Variants in EGF observed in about 807,000 individuals in gnomAD.
The protein encoded by EGF is epidermal growth factor.
A neutral mutation model predicts 143.8 loss-of-function variants in EGF; 95 were observed. The ratio of observed to expected loss-of-function variants is 0.66; its 90% CI spans 0.56 to 0.78. The LOEUF is 0.78. Ranked by LOEUF, EGF falls within the 30% of genes least tolerant of loss-of-function variation. The pLI, the probability that EGF is intolerant of heterozygous loss-of-function variation, is 0.00. For synonymous variants in EGF, 510 were observed against 510.5 expected, an observed-to-expected ratio of 1.00 and a Z score of 0.01; for missense variants, 1,320 against 1,470.9, an observed-to-expected ratio of 0.90 and a Z score of 1.68.
chr4:109,961,731 G>T (rs575099185), intron 7 of EGF, 132 bp from the exon 8 acceptor site: 312 of 1,162,600 alleles, frequency 2.7e-4, no homozygotes, highest in Middle Eastern at 1.0e-3. Flanking sequence ...AGGCACAGTG[G>T]CTCACACCTG....
intron 11 of EGF, among the ~76,000 whole-genome samples, chr4:109,973,293 A>G (rs17253063): frequency 0.28 from 42,803 of 152,060 alleles, 6,418 homozygotes; most frequent in Middle Eastern, 0.38. Flanking sequence ...CTAAAGCCAC[A>G]GCAAACTTTC....
At chr4:109,987,722 A>G in intron 16 of EGF, 22 bp from the exon 17 acceptor site, 1 of 1,589,764 alleles carries the variant, frequency 6.3e-7, no homozygotes, top group Non-Finnish European at 8.6e-7. Flanking sequence ...AAATAACTGC[A>G]CGGGATTCTT....
In EGF at chr4:109,913,085, T is replaced by C; in HGVS notation, c.-251T>C. 2.3e-6 allele frequency: 1 copy of C among 443,214 alleles called. No homozygotes were observed. Among genetic ancestry groups the C allele is most frequent in the Non-Finnish European group, 4.2e-6 (1 of 239,670 alleles). 27.5% of individuals were successfully genotyped at this position (443,214 alleles called of 1,614,324 possible). ...TTGTCATAAGGGTGTCAGGTATTTC[T>C]TACTGGCTTCCAAAGAAACATAGAT... On this transcript the variant is annotated 5_prime_UTR_variant, in exon 1 of 24. Coordinates refer to ENST00000265171, the MANE Select transcript of EGF (RefSeq NM_001963.6).
chr4:110,004,015 A>G (rs537714464), intron 21 of EGF, among the ~76,000 whole-genome samples: 8 of 152,110 alleles, frequency 5.3e-5, no homozygotes, highest in African/African-American at 1.9e-4. Context: ...TCACTTGTAA[A>G]TGGAGCTAAC....
At chr4:109,929,877 T>C (rs1739377500) in intron 1 of EGF, among the ~76,000 whole-genome samples, 1 of 152,192 alleles carries the variant, frequency 6.6e-6, no homozygotes, top group Non-Finnish European at 1.5e-5. Flanking sequence ...CTTGATATGG[T>C]TGGCTGTGTG....
chr4:109,976,345 T>G, intron 13 of EGF, 110 bp downstream of exon 13: 1 of 956,806 alleles, frequency 1.0e-6, no homozygotes, highest in Non-Finnish European at 1.6e-6. Flanking sequence ...TGGGTGAATA[T>G]GGAATAGAGA....
Position 110,011,898 on chromosome 4 carries a change from T to G in EGF, c.*443T>G. On this transcript the variant is annotated 3_prime_UTR_variant, in exon 24 of 24. Coordinates refer to ENST00000265171, the MANE Select transcript of EGF (RefSeq NM_001963.6). ...TCATGAAATGATTGGAATATTACAA[T>G]ACCGTTAAGATACAGTGTAGGCATT... 4.4e-6 allele frequency: 1 copy of G among 225,824 alleles called. No homozygotes were observed. Among genetic ancestry groups the G allele is most frequent in the Non-Finnish European group, 8.9e-6 (1 of 112,956 alleles). The allele number at this position is 225,824 out of a possible 1,614,324, so 14.0% of individuals were successfully genotyped here. A position where few individuals can be genotyped will look rare whatever the true frequency, so the allele number is the denominator to read the frequency against.
rs182335717 is a variant in EGF, at chr4:109,965,851, C to A, written c.1575+1314C>A. On this transcript the variant is annotated intron_variant, in intron 10 of 23. Coordinates refer to ENST00000265171, the MANE Select transcript of EGF (RefSeq NM_001963.6). ...CACAGTGCCAGTGGAGTGAAGTACC[C>A]CTATTTGTATTTATGAAACATAACC... Among the ~76,000 whole-genome samples, 139 of 152,022 alleles carry A rather than the reference C, an allele frequency of 9.1e-4. 1 individual carries two copies. The highest frequency in any genetic ancestry group is 3.2e-3 in the African/African-American group (134 of 41,484).
Position 110,011,726 on chromosome 4 carries a change from GTTGTC to G in EGF, c.*274_*278del. Reference sequence around the variant, plus strand: ...GGGACAACAGTGCTTTGTAAATTGTGTTGTCTTCAGCAGTCAATACAAATAGATTT... The same window carrying G: ...GGGACAACAGTGCTTTGTAAATTGTGTTCAGCAGTCAATACAAATAGATTT... On this transcript the variant is annotated 3_prime_UTR_variant, in exon 24 of 24. Transcript: ENST00000265171. 1 of 501,668 alleles carries G rather than the reference GTTGTC, an allele frequency of 2.0e-6. No individual in the cohort carries two copies. The highest frequency in any genetic ancestry group is 3.7e-5 in the East Asian group (1 of 26,726). 31.1% of individuals were successfully genotyped at this position (501,668 alleles called of 1,614,324 possible).
intron 11 of EGF, among the ~76,000 whole-genome samples, chr4:109,970,401 AG>A (rs1370168414): frequency 6.6e-6 from 1 of 152,188 alleles, no homozygotes; most frequent in African/African-American, 2.4e-5. Flanking sequence ...ACCAAGTAAA[AG>A]TAAAAGAAGG....
At chr4:109,933,078 C>A (rs1231719844) in intron 1 of EGF, among the ~76,000 whole-genome samples, 1 of 152,184 alleles carries the variant, frequency 6.6e-6, no homozygotes, top group Non-Finnish European at 1.5e-5. Flanking sequence ...TAATAAAATA[C>A]TTTCACATCT....
intron 1 of EGF, among the ~76,000 whole-genome samples, chr4:109,937,483 C>G (rs1332335208): frequency 6.6e-6 from 1 of 151,856 alleles, no homozygotes; most frequent in Non-Finnish European, 1.5e-5. Context: ...GGTCTTGACT[C>G]TTTATCCAAT....
chr4:109,963,262 G>A lies in EGF; in HGVS notation c.1402G>A (p.Asp468Asn), dbSNP rs1746006562. The A allele has an allele frequency of 6.2e-7, 1 of 1,613,872 alleles. No homozygotes were observed. Among genetic ancestry groups the A allele is most frequent in the South Asian group, 1.1e-5 (1 of 91,076 alleles). ...GGAATGTGATTGCTTTCCTGGGTAT[G>A]ACCTACAACTGGATGAAAAAAGCTG... The part of the protein sequence containing the change: ...SWECDCFPGY[D>N]LQLDEKSCAA... The change falls in exon 9 of 24, where the codon GAC becomes AAC. Residue 468 changes from aspartate to asparagine, a missense_variant. By Grantham distance (23) the Asp-to-Asn change is conservative. Coordinates refer to ENST00000265171, the MANE Select transcript of EGF (RefSeq NM_001963.6).
At chr4:109,967,372 G>T (rs1746771264) in intron 10 of EGF, among the ~76,000 whole-genome samples, 2 of 152,032 alleles carry the variant, frequency 1.3e-5, no homozygotes, top group African/African-American at 4.8e-5. Flanking sequence ...TTTAAATCTG[G>T]GTTCTCTATT....
At chr4:109,924,869 A>C (rs1358547993) in intron 1 of EGF, among the ~76,000 whole-genome samples, 2 of 152,218 alleles carry the variant, frequency 1.3e-5, no homozygotes, top group Non-Finnish European at 2.9e-5. Flanking sequence ...AGACAGCCTG[A>C]AAAATGGATT....
intron 15 of EGF, 29 bp downstream of exon 15, chr4:109,981,004 C>T (rs1749281144): frequency 6.2e-7 from 1 of 1,613,862 alleles, no homozygotes; most frequent in Non-Finnish European, 8.5e-7. Context: ...TGGCAAATTA[C>T]CTAACGTTGG....
chr4:109,959,002 C>A lies in EGF; in HGVS notation c.941-310C>A, dbSNP rs74758967. ...GATTATTTCATTTGCAGAATGTGTG[C>A]TTTTTTGTGATAAAAGTACATTAGA... On this transcript the variant is annotated intron_variant, in intron 5 of 23. Transcript: ENST00000265171. The A allele has an allele frequency of 3.2e-3, 1,039 of 324,534 alleles. 15 individuals are homozygous for A. Among genetic ancestry groups the A allele is most frequent in the African/African-American group, 0.02 (943 of 46,782 alleles). The allele number at this position is 324,534 out of a possible 1,614,324, so 20.1% of individuals were successfully genotyped here.
intron 15 of EGF, among the ~76,000 whole-genome samples, chr4:109,982,740 G>T (rs1423782748): frequency 6.6e-6 from 1 of 152,076 alleles, no homozygotes; most frequent in East Asian, 1.9e-4. Context: ...ACCAGCTGTT[G>T]CCCACATTCC....
At chr4:109,990,143 T>G (rs1390181508) in intron 18 of EGF, among the ~76,000 whole-genome samples, 2 of 152,172 alleles carry the variant, frequency 1.3e-5, no homozygotes, top group Non-Finnish European at 2.9e-5. Flanking sequence ...AAGAGTCAGT[T>G]TGGGCCATCT....
Sources: allele counts gnomAD v4.1 joint callset (sites outside exome capture counted in the v4.1 genomes callset), GRCh38; gene constraint gnomAD v4.1.1; transcripts MANE v1.5; gene names NCBI Gene and HGNC (gene_info 2026-07-23, HGNC 2026-07-21).